PPFIA2: variants seen among roughly 807,000 people sequenced by gnomAD.
PPFIA2 encodes liprin-alpha-2.
Under a neutral mutation model 175.5 loss-of-function variants are expected in PPFIA2, and 46 were observed. The observed-to-expected ratio is 0.26, with a 90% CI of 0.21 to 0.34. The LOEUF (loss-of-function observed/expected upper bound fraction) is 0.34. Among genes scored for constraint, PPFIA2 ranks in the 10% least tolerant of loss-of-function variants. The probability of loss-of-function intolerance (pLI) is 1.00; values close to 1 mark genes in which losing one functional copy is unlikely to be tolerated. For synonymous variants in PPFIA2, 568 were observed against 511.4 expected (o/e 1.11, Z -1.49); for missense variants, 1,179 against 1,506.1 (o/e 0.78, Z 3.60).
Position 81,266,999 on chromosome 12 carries a change from C to T in PPFIA2, c.3508G>A (p.Glu1170Lys). The change falls in exon 30 of 33, where the codon GAA (glutamate) becomes AAA (lysine). Residue 1170 changes from glutamate (E) to lysine (K), a missense_variant. Glu to Lys is a moderately conservative substitution (Grantham distance 56). Transcript: ENST00000549396. ...NTQARQILER[E>K]YNNLLALGTE... is the part of the protein sequence containing the mutation. ...CCCAGGGCCAAGAGGTTATTGTATT[C>T]TCTTTCAAGAATCTGCCTTGCCTGT... The T allele has an allele frequency of 1.2e-6, 2 of 1,612,976 alleles. No homozygotes were observed. The highest frequency in any genetic ancestry group is 1.7e-6 in the Non-Finnish European group (2 of 1,179,310).
intron 4 of PPFIA2, among the ~76,000 whole-genome samples, chr12:81,609,218 T>C (rs973286287): frequency 6.6e-6 from 1 of 152,148 alleles, no homozygotes; most frequent in African/African-American, 2.4e-5. Context: ...TCTTAAAATA[T>C]GTTCTGTGTG....
chr12:81,260,511 A>G (rs2035066611), intron 32 of PPFIA2: 1 of 152,198 alleles, frequency 6.6e-6, no homozygotes, highest in Non-Finnish European at 1.5e-5. Flanking sequence ...GAGACCTCTT[A>G]TTTAGCCAAA....
intron 4 of PPFIA2, among the ~76,000 whole-genome samples, chr12:81,629,678 G>A (rs1023099191): frequency 6.6e-6 from 1 of 152,138 alleles, no homozygotes; most frequent in Non-Finnish European, 1.5e-5. Flanking sequence ...CCCATCAAGT[G>A]AGGACACTTG....
intron 4 of PPFIA2, among the ~76,000 whole-genome samples, chr12:81,530,891 A>G (rs1367356734): frequency 1.3e-5 from 2 of 151,928 alleles, no homozygotes; most frequent in Admixed American, 1.3e-4. Context: ...ATTTAAAATG[A>G]TTTAGAATTG....
intron 4 of PPFIA2, among the ~76,000 whole-genome samples, chr12:81,553,375 C>T (rs1312168586): frequency 6.6e-6 from 1 of 151,966 alleles, no homozygotes; most frequent in Non-Finnish European, 1.5e-5. Context: ...AGAAAATATC[C>T]TATCTTTGCA....
intron 17 of PPFIA2, among the ~76,000 whole-genome samples, chr12:81,348,153 G>A (rs1241430878): frequency 6.6e-6 from 1 of 152,074 alleles, no homozygotes; most frequent in African/African-American, 2.4e-5. Flanking sequence ...TCAGCCTTGA[G>A]ATGGCAAAGG....
chr12:81,608,122 C>G (rs369232419), intron 4 of PPFIA2, among the ~76,000 whole-genome samples: 3 of 152,182 alleles, frequency 2.0e-5, no homozygotes, highest in East Asian at 3.9e-4. Context: ...TTTGAACCAA[C>G]CTTGCATCCC....
intron 3 of PPFIA2, among the ~76,000 whole-genome samples, chr12:81,684,687 C>T (rs2074181021): frequency 6.6e-6 from 1 of 152,052 alleles, no homozygotes; most frequent in South Asian, 2.1e-4. Context: ...CCAAATCACA[C>T]AGCTGGTGAA....
intron 9 of PPFIA2, among the ~76,000 whole-genome samples, chr12:81,380,183 A>G (rs2037320106): frequency 6.6e-6 from 1 of 152,042 alleles, no homozygotes; most frequent in Non-Finnish European, 1.5e-5. Flanking sequence ...TAAGCAACAT[A>G]GTGGGACCCT....
intron 4 of PPFIA2, among the ~76,000 whole-genome samples, chr12:81,597,042 C>T (rs1228547413): frequency 3.3e-5 from 5 of 151,892 alleles, no homozygotes; most frequent in Admixed American, 1.3e-4. Flanking sequence ...TTCTCTAGGC[C>T]GTTATACTTA....
intron 3 of PPFIA2, among the ~76,000 whole-genome samples, chr12:81,739,873 CA>C (rs1038733726): frequency 4.0e-5 from 6 of 151,760 alleles, no homozygotes; most frequent in African/African-American, 1.5e-4. Context: ...AAGAAAAAAA[CA>C]AAAACAAAAA....
chr12:81,713,155 A>C (rs1175273455), intron 3 of PPFIA2, among the ~76,000 whole-genome samples: 7 of 150,070 alleles, frequency 4.7e-5, no homozygotes, highest in African/African-American at 1.7e-4. Flanking sequence ...AATATGATAA[A>C]TAATAATACA....
intron 4 of PPFIA2, among the ~76,000 whole-genome samples, chr12:81,464,298 G>A (rs758338322): frequency 1.8e-4 from 27 of 152,042 alleles, no homozygotes; most frequent in African/African-American, 3.6e-4. Flanking sequence ...CTATTATGTC[G>A]TTTAATCATT....
At chr12:81,338,066 A>G (rs1022124246) in intron 21 of PPFIA2, among the ~76,000 whole-genome samples, 7 of 152,160 alleles carry the variant, frequency 4.6e-5, no homozygotes, top group Non-Finnish European at 8.8e-5. Flanking sequence ...GTTTCACACT[A>G]TGGAAGCCAG....
At chr12:81,643,815 A>G (rs1251464028) in intron 4 of PPFIA2, among the ~76,000 whole-genome samples, 1 of 152,068 alleles carries the variant, frequency 6.6e-6, no homozygotes, top group Non-Finnish European at 1.5e-5. Flanking sequence ...GTCTTCAAGT[A>G]GTAAGGTAAT....
At chr12:81,676,924 AT>A in intron 3 of PPFIA2, 80 bp from the exon 4 acceptor site, 2 of 1,036,720 alleles carry the variant, frequency 1.9e-6, no homozygotes, top group Non-Finnish European at 2.7e-6. Context: ...GTAATAATTT[AT>A]TTAGCTGCAA....
At chr12:81,608,239 A>T (rs890373733) in intron 4 of PPFIA2, among the ~76,000 whole-genome samples, 1 of 152,034 alleles carries the variant, frequency 6.6e-6, no homozygotes, top group Admixed American at 6.6e-5. Context: ...CATAAGGGAT[A>T]CTGGCCTGTA....
intron 4 of PPFIA2, among the ~76,000 whole-genome samples, chr12:81,541,741 CTT>C (rs998270765): frequency 3.9e-5 from 6 of 152,172 alleles, no homozygotes; most frequent in African/African-American, 1.4e-4. Flanking sequence ...ACTAAAAAGA[CTT>C]TTATTTCTTG....
At chr12:81,739,282 G>C (rs1331430898) in intron 3 of PPFIA2, among the ~76,000 whole-genome samples, 2 of 151,834 alleles carry the variant, frequency 1.3e-5, no homozygotes, top group African/African-American at 4.8e-5. Context: ...TCTATAAAAG[G>C]AATACTAGCT....
Sources: allele counts gnomAD v4.1 joint callset (sites outside exome capture counted in the v4.1 genomes callset), GRCh38; gene constraint gnomAD v4.1.1; transcripts MANE v1.5; gene names NCBI Gene and HGNC (gene_info 2026-07-23, HGNC 2026-07-21).